XRN1: variants seen among roughly 807,000 people sequenced by gnomAD.
XRN1 encodes strand-exchange protein 1 homolog.
XRN1 carries 67 observed loss-of-function variants against 222.3 expected under a neutral mutation model. The observed-to-expected ratio is 0.30, with a 90% CI of 0.25 to 0.37. The LOEUF is 0.37. Ranked by LOEUF, XRN1 falls within the 10% of genes least tolerant of loss-of-function variation. The pLI is 1.00. For missense variants in XRN1, 1,707 were observed against 2,000.2 expected (o/e 0.85, Z 2.80); for synonymous variants, 643 against 652.4 (o/e 0.99, Z 0.22).
Position 142,441,855 on chromosome 3 carries a change from C to T in XRN1, c.75+6015G>A, listed in dbSNP as rs142187568. Among the ~76,000 whole-genome samples the T allele has an allele frequency of 4.1e-3, 626 of 152,310 alleles. 6 individuals carry two copies. Among genetic ancestry groups the T allele is most frequent in the African/African-American group, 0.014 (576 of 41,570 alleles). ...ACCTAAGCCGCTCGAGGGGACCTTT[C>T]AGAGGTTCCCTTGACGGATCCTGAC... is the stretch of plus-strand genomic sequence containing the variant. On this transcript the variant is annotated intron_variant, in intron 1 of 40. Transcript: ENST00000392981.
At chr3:142,373,072 T>C (rs2067033234) in intron 25 of XRN1, among the ~76,000 whole-genome samples, 1 of 151,300 alleles carries the variant, frequency 6.6e-6, no homozygotes, top group African/African-American at 2.4e-5. Context: ...AGAGACTAAA[T>C]CAAACAGGAG....
intron 1 of XRN1, among the ~76,000 whole-genome samples, chr3:142,435,751 T>TC (rs2069862883): frequency 1.3e-5 from 1 of 75,798 alleles, no homozygotes; most frequent in African/African-American, 6.4e-5. Context: ...AGTGAAACTG[T>TC]CCCCACCCCC....
intron 2 of XRN1, among the ~76,000 whole-genome samples, chr3:142,432,329 G>A (rs1009479528): frequency 1.8e-4 from 26 of 148,148 alleles, no homozygotes; most frequent in Non-Finnish European, 2.7e-4. Context: ...CTGAGGCACC[G>A]ATAATCACTT....
At chr3:142,370,944 G>A (rs1184832193) in intron 26 of XRN1, among the ~76,000 whole-genome samples, 1 of 151,954 alleles carries the variant, frequency 6.6e-6, no homozygotes, top group African/African-American at 2.4e-5. Context: ...CACTTTGGGA[G>A]GCCAAGGAGC....
chr3:142,335,731 GGTA>G (rs1390938776), intron 33 of XRN1, among the ~76,000 whole-genome samples: 1 of 152,074 alleles, frequency 6.6e-6, no homozygotes, highest in East Asian at 1.9e-4. Flanking sequence ...CCTCGAAGGA[GGTA>G]GGTTCTAAAG....
chr3:142,313,716 T>G (rs2065134756), intron 39 of XRN1, among the ~76,000 whole-genome samples: 1 of 152,136 alleles, frequency 6.6e-6, no homozygotes, highest in African/African-American at 2.4e-5. Flanking sequence ...AAGAAAACTT[T>G]TAATATGAAA....
In XRN1 at chr3:142,447,999, C is replaced by A; in HGVS notation, c.-55G>T. 1 of 1,582,232 alleles carries A rather than the reference C, an allele frequency of 6.3e-7. No homozygotes were observed. Among genetic ancestry groups the A allele is most frequent in the Non-Finnish European group, 8.7e-7 (1 of 1,155,644 alleles). The stretch of plus-strand genomic sequence containing the variant: ...GCCAAACCGAAACCAAACGCCCCGC[C>A]GGGGCTCCGCCGCAGCCTCCGGTCG... On this transcript the variant is annotated 5_prime_UTR_variant, in exon 1 of 41. Transcript: ENST00000392981. The surrounding 1 kb of genome is among the most constrained non-coding windows in gnomAD (Gnocchi z 4.2).
rs1559855081 is a variant in XRN1 at position 142,405,059 on chromosome 3, G to A, written c.1731C>T (p.Ala577=). The change falls in exon 16 of 41, where the codon GCC becomes GCT. Residue 577 remains alanine, a synonymous_variant. Transcript: ENST00000392981. Reference sequence around the variant, plus strand: ...TGAGGGAGTGGTTACATGTCTCCATGGCTTCCAATAATCGCTTCTGAATAT... The same window carrying A: ...TGAGGGAGTGGTTACATGTCTCCATAGCTTCCAATAATCGCTTCTGAATAT... ...PFIDEKRLLE[A]METCNHSLKK... is the part of the protein sequence containing the mutation. 6.2e-7 allele frequency: 1 copy of A among 1,613,856 alleles called. No individual in the cohort carries two copies. The highest frequency in any genetic ancestry group is 8.5e-7 in the Non-Finnish European group (1 of 1,179,836).
At chr3:142,357,996 C>T (rs368745215) in intron 30 of XRN1, among the ~76,000 whole-genome samples, 7 of 152,068 alleles carry the variant, frequency 4.6e-5, no homozygotes, top group African/African-American at 1.7e-4. Flanking sequence ...CAAGATTGCA[C>T]CACTGCACTC....
chr3:142,398,409 C>T (rs969123451), intron 19 of XRN1, among the ~76,000 whole-genome samples: 4 of 151,296 alleles, frequency 2.6e-5, no homozygotes, highest in African/African-American at 9.7e-5. Flanking sequence ...TTCTGTCACC[C>T]AAGCTGGAGT....
At chr3:142,319,191 G>A (rs1043311131) in intron 37 of XRN1, among the ~76,000 whole-genome samples, 9 of 152,148 alleles carry the variant, frequency 5.9e-5, no homozygotes, top group African/African-American at 2.2e-4. Context: ...ATGGAGTTCT[G>A]CCTCTTTTTG....
At chr3:142,312,984 C>A in intron 39 of XRN1, 1 of 972,738 alleles carries the variant, frequency 1.0e-6, no homozygotes, top group South Asian at 1.8e-5. Flanking sequence ...TTATACTGGC[C>A]TGAAAAGGAG....
intron 26 of XRN1, 64 bp downstream of exon 26, chr3:142,371,175 T>G (rs1007343239): frequency 2.1e-5 from 26 of 1,251,942 alleles, no homozygotes; most frequent in South Asian, 2.0e-4. Context: ...AGAAACCAGC[T>G]GCAGTTGTCA....
intron 34 of XRN1, among the ~76,000 whole-genome samples, chr3:142,335,173 T>G (rs776248283): frequency 2.0e-5 from 3 of 152,144 alleles, no homozygotes; most frequent in Non-Finnish European, 4.4e-5. Context: ...CACTTAAAGA[T>G]GAGAAAATTG....
At chr3:142,355,266 A>G in intron 32 of XRN1, 135 bp downstream of exon 32, 2 of 497,452 alleles carry the variant, frequency 4.0e-6, no homozygotes, top group Non-Finnish European at 6.6e-6. Flanking sequence ...AAAAAGAAAA[A>G]GAAAATTCAT....
chr3:142,423,632 C>T lies in XRN1; in HGVS notation c.638G>A (p.Gly213Glu). The change falls in exon 6 of 41, where the codon GGA becomes GAA. Residue 213 changes from glycine to glutamate, a missense_variant. Coordinates refer to ENST00000392981, the MANE Select transcript of XRN1 (RefSeq NM_001282857.2). ...AAAATGTGCCTCATGACTTGTTAAT[C>T]CAAGCATAATCTGTTGAAAAATGAT... is the stretch of plus-strand genomic sequence containing the variant. ...YGLDADLIML[G>E]LTSHEAHFSL... 6.3e-7 allele frequency: 1 copy of T among 1,587,644 alleles called. No homozygotes were observed. Among genetic ancestry groups the T allele is most frequent in the South Asian group, 1.2e-5 (1 of 85,292 alleles).
chr3:142,322,549 G>A (rs1223669314), intron 37 of XRN1, among the ~76,000 whole-genome samples: 1 of 151,964 alleles, frequency 6.6e-6, no homozygotes, highest in African/African-American at 2.4e-5. Context: ...AGCCGGGTGG[G>A]GTTGCATGTG....
At chr3:142,398,257 C>T (rs1559848806) in intron 19 of XRN1, among the ~76,000 whole-genome samples, 1 of 151,076 alleles carries the variant, frequency 6.6e-6, no homozygotes, top group African/African-American at 2.4e-5. Flanking sequence ...GTCAGTCAGT[C>T]AATAAAATTT....
At position 142,380,170 on chromosome 3, in the gene XRN1, G is replaced by A. The variant is rs1475748580; in HGVS notation, c.2627C>T (p.Ser876Leu). 1 of 1,613,382 alleles carries A rather than the reference G, an allele frequency of 6.2e-7. No homozygotes were observed. Among genetic ancestry groups the A allele is most frequent in the Non-Finnish European group, 8.5e-7 (1 of 1,179,738 alleles). The change falls in exon 23 of 41, where the codon TCA becomes TTA. Residue 876 changes from serine to leucine, a missense_variant. Coordinates refer to ENST00000392981, the MANE Select transcript of XRN1 (RefSeq NM_001282857.2). ...YYGCTGEVQD[S>L]GDVITEGRIR... The stretch of plus-strand genomic sequence containing the variant: ...CCTACCTTCTGTAATCACATCACCT[G>A]AATCCTGAACCTTAGAAGAAAAAAA...
Sources: allele counts gnomAD v4.1 joint callset (sites outside exome capture counted in the v4.1 genomes callset), GRCh38; gene constraint gnomAD v4.1.1; non-coding constraint Gnocchi (gnomAD v3.1); transcripts MANE v1.5; gene names NCBI Gene and HGNC (gene_info 2026-07-23, HGNC 2026-07-21).